Variants in KAZN observed in about 807,000 individuals in gnomAD.
KAZN encodes kazrin.
In KAZN, 40 loss-of-function variants were observed where a neutral mutation model predicts 87.4. The ratio of observed to expected loss-of-function variants is 0.46; its 90% confidence interval spans 0.36 to 0.60. The LOEUF (loss-of-function observed/expected upper bound fraction) is 0.60, where lower values mean the gene tolerates loss of function less well. KAZN is among the 20% of genes least tolerant of loss of function. The pLI is 0.00. For synonymous variants in KAZN, 466 were observed against 458.3 expected, an observed-to-expected ratio of 1.02 and a Z score of -0.22; for missense variants, 898 against 1,073.9, an observed-to-expected ratio of 0.84 and a Z score of 2.29.
chr1:14,394,587 G>A (rs548936820), intron 2 of KAZN, among the ~76,000 whole-genome samples: 23 of 152,224 alleles, frequency 1.5e-4, no homozygotes, highest in Admixed American at 2.6e-4. Flanking sequence ...AGATAGGATC[G>A]AAGGTAGTTT....
intron 2 of KAZN, among the ~76,000 whole-genome samples, chr1:14,325,400 A>G (rs1656339005): frequency 6.6e-6 from 1 of 152,174 alleles, no homozygotes; most frequent in African/African-American, 2.4e-5. Flanking sequence ...TGTTTAGACT[A>G]TTTCTGAGAA....
chr1:13,957,445 G>A (rs1380367575), intron 1 of KAZN, among the ~76,000 whole-genome samples: 1 of 152,200 alleles, frequency 6.6e-6, no homozygotes, highest in African/African-American at 2.4e-5. Flanking sequence ...GTGACTTGGG[G>A]ATGGGTTTGG....
chr1:14,484,571 A>G (rs1458416668), intron 2 of KAZN, among the ~76,000 whole-genome samples: 1 of 152,254 alleles, frequency 6.6e-6, no homozygotes, highest in African/African-American at 2.4e-5. Context: ...TTGTCCCAAT[A>G]GTGCTGCATA....
intron 2 of KAZN, among the ~76,000 whole-genome samples, chr1:14,963,195 C>G (rs1394501450): frequency 1.3e-5 from 2 of 152,172 alleles, no homozygotes; most frequent in Non-Finnish European, 2.9e-5. Flanking sequence ...AGATCCACCC[C>G]TTTGTAGGAG....
At chr1:14,464,736 T>G (rs1339914149) in intron 2 of KAZN, among the ~76,000 whole-genome samples, 1 of 151,990 alleles carries the variant, frequency 6.6e-6, no homozygotes, top group Non-Finnish European at 1.5e-5. Flanking sequence ...AGACAGGGTT[T>G]CACCATATTG....
At chr1:14,721,228 G>A (rs559219286) in intron 1 of KAZN, among the ~76,000 whole-genome samples, 1 of 152,246 alleles carries the variant, frequency 6.6e-6, no homozygotes, top group Admixed American at 6.5e-5. Flanking sequence ...TTGAATCATG[G>A]GGGTGGTTAC....
chr1:14,582,433 C>T (rs961675715), intron 2 of KAZN, among the ~76,000 whole-genome samples: 9 of 152,124 alleles, frequency 5.9e-5, no homozygotes, highest in South Asian at 2.1e-4. Context: ...TTTTAGAGAC[C>T]GACTCTTCAG....
At chr1:14,150,466 C>T (rs1645448066) in intron 1 of KAZN, among the ~76,000 whole-genome samples, 1 of 152,208 alleles carries the variant, frequency 6.6e-6, no homozygotes, top group Admixed American at 6.5e-5. Flanking sequence ...CATCTGCCCC[C>T]AGAACTTCCA....
rs1430452102 is a variant in KAZN, at chr1:14,168,788, C to T, written c.92-11647C>T. On this transcript the variant is annotated intron_variant, in intron 1 of 16. Coordinates refer to the KAZN transcript ENST00000636203. ...GCTGTGGCCAAATTCCTGAAACCAT[C>T]GAGACTCTGTTTCCTCAACAGAAGG... Among the ~76,000 whole-genome samples the T allele has an allele frequency of 3.9e-5, 6 of 152,170 alleles. No individual in the cohort carries two copies. In the South Asian group the frequency reaches 1.0e-3, roughly 26 times the overall value.
intron 1 of KAZN, among the ~76,000 whole-genome samples, chr1:14,172,145 AC>A (rs1467239977): frequency 4.6e-5 from 7 of 152,250 alleles, no homozygotes; most frequent in Non-Finnish European, 1.0e-4. Context: ...CACATTCAAA[AC>A]AACCAACCAA....
chr1:15,002,422 G>A (rs943440733), intron 2 of KAZN, among the ~76,000 whole-genome samples: 9 of 152,146 alleles, frequency 5.9e-5, no homozygotes, highest in Non-Finnish European at 1.0e-4. Flanking sequence ...ACATAGCTGC[G>A]TTGCACCCTG....
At chr1:15,025,578 TC>T in intron 2 of KAZN, among the ~76,000 whole-genome samples, 1 of 152,340 alleles carries the variant, frequency 6.6e-6, no homozygotes, top group East Asian at 1.9e-4. Flanking sequence ...AGTCGTGTCT[TC>T]CCTGGCGTGT....
chr1:14,194,733 A>G (rs1350955549), intron 2 of KAZN, among the ~76,000 whole-genome samples: 1 of 152,162 alleles, frequency 6.6e-6, no homozygotes, highest in Non-Finnish European at 1.5e-5. Context: ...ATAGGAGGGC[A>G]TGGGCCCTTG....
At chr1:14,202,431 G>A (rs2100412080) in intron 2 of KAZN, among the ~76,000 whole-genome samples, 1 of 152,346 alleles carries the variant, frequency 6.6e-6, no homozygotes, top group South Asian at 2.1e-4. Flanking sequence ...AGGAAAGCAG[G>A]CTTGTTCAGA....
rs1374701619 is a variant in KAZN at position 15,116,818 on chromosome 1, CAT to C, written c.*2184_*2185del. The C allele has an allele frequency of 1.3e-5, 2 of 152,276 alleles. No individual in the cohort carries two copies. Among genetic ancestry groups the C allele is most frequent in the Non-Finnish European group, 2.9e-5 (2 of 68,058 alleles). 9.4% of individuals were successfully genotyped at this position (152,276 alleles called of 1,614,324 possible). A position where few individuals can be genotyped will look rare whatever the true frequency, so the allele number is the denominator to read the frequency against. On this transcript the variant is annotated 3_prime_UTR_variant, in exon 15 of 15. Coordinates refer to ENST00000376030, the MANE Select transcript of KAZN (RefSeq NM_201628.3). ...CCCAACTTGTCAGAAATGGCACTTA[CAT>C]GGTTCGATCTTGCTGGAGACAAGTG...
intron 1 of KAZN, among the ~76,000 whole-genome samples, chr1:13,952,342 TAATAATAATAATA>T (rs906033751): frequency 3.7e-5 from 1 of 26,848 alleles, no homozygotes; most frequent in African/African-American, 1.2e-4. Context: ...GAGATAATAA[TAATAATAATAATA>T]ATAATAATAA....
At position 14,590,979 on chromosome 1, in the gene KAZN, G is replaced by A. The variant is rs374790823; in HGVS notation, c.250-8004G>A. On this transcript the variant is annotated intron_variant, in intron 2 of 16. Coordinates refer to the KAZN transcript ENST00000636203. ...ACCCCTCCCCCGACACCAAAGGCGG[G>A]ATGAGATCATTGATGACGTCAGCTA... 2.0e-4 allele frequency among the ~76,000 whole-genome samples: 31 copies of A among 152,284 alleles called. No individual in the cohort carries two copies. The South Asian group carries it at 6.2e-3, about 31-fold the overall frequency.
chr1:15,018,950 G>A (rs1398236919), intron 2 of KAZN, among the ~76,000 whole-genome samples: 1 of 152,220 alleles, frequency 6.6e-6, no homozygotes, highest in Non-Finnish European at 1.5e-5. Flanking sequence ...ATTTCACAGA[G>A]TTAAACACTG....
intron 1 of KAZN, among the ~76,000 whole-genome samples, chr1:14,686,785 T>C (rs1035131550): frequency 1.3e-5 from 2 of 152,170 alleles, no homozygotes; most frequent in African/African-American, 4.8e-5. Flanking sequence ...ACACAGAACA[T>C]TTGCGGTGGG....
Sources: allele counts gnomAD v4.1 joint callset (sites outside exome capture counted in the v4.1 genomes callset), GRCh38; gene constraint gnomAD v4.1.1; transcripts MANE v1.5; gene names NCBI Gene and HGNC (gene_info 2026-07-23, HGNC 2026-07-21).